Variants in TOP2B observed in about 807,000 individuals in gnomAD.
The protein encoded by TOP2B is DNA topoisomerase II beta.
TOP2B carries 51 observed loss-of-function variants against 193.5 expected under a neutral mutation model. The ratio of observed to expected loss-of-function variants is 0.26; its 90% CI spans 0.21 to 0.33. TOP2B has a LOEUF of 0.33. Ranked by LOEUF, TOP2B falls within the 10% of genes least tolerant of loss-of-function variation. The probability of loss-of-function intolerance (pLI) is 1.00; values close to 1 mark genes in which losing one functional copy is unlikely to be tolerated. For missense variants in TOP2B, 1,378 were observed against 1,909.3 expected (o/e 0.72, Z 5.19); for synonymous variants, 634 against 635.7 (o/e 1.00, Z 0.04).
At position 25,601,082 on chromosome 3, in the gene TOP2B, TAAG is replaced by T. The variant is rs1463702703; in HGVS notation, c.4615+15_4615+17del. On this transcript the variant is annotated intron_variant, in intron 34 of 35. Coordinates refer to ENST00000264331, the MANE Select transcript of TOP2B (RefSeq NM_001330700.2). Reference sequence around the variant, plus strand: ...CACACAGCATATGTTTAAAGGGTTATAAGAAGATAATCCTCACCTTTTGGTGTT... The same window carrying T: ...CACACAGCATATGTTTAAAGGGTTATAAGATAATCCTCACCTTTTGGTGTT... 2 of 1,611,680 alleles carry T rather than the reference TAAG, an allele frequency of 1.2e-6. No individual in the cohort carries two copies. The highest frequency in any genetic ancestry group is 3.3e-5 in the Admixed American group (2 of 59,706).
At chr3:25,632,146 G>A (rs1021547947) in intron 10 of TOP2B, among the ~76,000 whole-genome samples, 1 of 152,036 alleles carries the variant, frequency 6.6e-6, no homozygotes, top group African/African-American at 2.4e-5. Context: ...AGATGAAAGA[G>A]TTGCATAAGG....
chr3:25,618,520 G>C lies in TOP2B; in HGVS notation c.3260-11C>G. 6.3e-7 allele frequency: 1 copy of C among 1,597,120 alleles called. No homozygotes were observed. The highest frequency in any genetic ancestry group is 8.6e-7 in the Non-Finnish European group (1 of 1,168,052). On this transcript the variant is annotated splice_polypyrimidine_tract_variant and intron_variant, in intron 24 of 35. Coordinates refer to ENST00000264331, the MANE Select transcript of TOP2B (RefSeq NM_001330700.2). ...TCTTTGACCTATTCTCTATGTGAGGGAAAAATAAAGTTAGGATCAAGATAA... is the reference window on the plus strand; with the variant it reads ...TCTTTGACCTATTCTCTATGTGAGGCAAAAATAAAGTTAGGATCAAGATAA...
chr3:25,655,115 C>T lies in TOP2B; in HGVS notation c.69+9114G>A, dbSNP rs73153355. Among the ~76,000 whole-genome samples, 1,364 of 152,198 alleles carry T rather than the reference C, an allele frequency of 9.0e-3. 22 individuals are homozygous for T. Among genetic ancestry groups the T allele is most frequent in the African/African-American group, 0.031 (1,304 of 41,512 alleles). ...GAAAACAACTGACAGAGTGAAAAGG[C>T]AGCGTATGGAATGGAGAAAATATCT... On this transcript the variant is annotated intron_variant, in intron 1 of 35. Transcript: ENST00000264331.
At chr3:25,629,693 T>C (rs1702903786) in intron 13 of TOP2B, among the ~76,000 whole-genome samples, 1 of 152,174 alleles carries the variant, frequency 6.6e-6, no homozygotes, top group Non-Finnish European at 1.5e-5. Context: ...TAAGTCCTGG[T>C]ATTTGTGCAT....
At chr3:25,622,970 G>T (rs1224647540) in intron 21 of TOP2B, among the ~76,000 whole-genome samples, 1 of 152,100 alleles carries the variant, frequency 6.6e-6, no homozygotes, top group African/African-American at 2.4e-5. Flanking sequence ...TAGAGATGGA[G>T]TTTCCCCATG....
Position 25,598,457 on chromosome 3 carries a change from A to AAAAG in TOP2B, c.4727_4730dup (p.Asp1578PhefsTer2). Reference sequence around the variant, plus strand: ...AGATGTCCACATCTGAATCCTGATCAAAAGATGTCTTCTTCGGTTTCTAGA... The same window carrying AAAAG: ...AGATGTCCACATCTGAATCCTGATCAAAAGAAAGATGTCTTCTTCGGTTTCTAGA... On this transcript the variant is annotated frameshift_variant, in exon 36 of 36. Transcript: ENST00000264331. LOFTEE classifies it high-confidence loss of function. 6.3e-7 allele frequency: 1 copy of AAAAG among 1,591,542 alleles called. No individual in the cohort carries two copies. The highest frequency in any genetic ancestry group is 8.5e-7 in the Non-Finnish European group (1 of 1,172,968).
intron 25 of TOP2B, chr3:25,615,903 G>A (rs191309846): frequency 1.3e-4 from 24 of 184,226 alleles, no homozygotes; most frequent in Admixed American, 5.5e-4. Context: ...TTAAAGTTAA[G>A]AGAGTAGAAT....
intron 1 of TOP2B, among the ~76,000 whole-genome samples, chr3:25,654,638 CAGA>C (rs1424337000): frequency 6.6e-6 from 1 of 152,072 alleles, no homozygotes; most frequent in Admixed American, 6.6e-5. Context: ...AGTCTTTAAT[CAGA>C]AGAATAAAGC....
chr3:25,605,867 G>A (rs1662461419), intron 32 of TOP2B, among the ~76,000 whole-genome samples, 176 bp downstream of exon 32: 1 of 151,928 alleles, frequency 6.6e-6, no homozygotes, highest in African/African-American at 2.4e-5. Context: ...AATTAGTTAG[G>A]AATCACCTCA....
Position 25,598,246 on chromosome 3 carries a change from CAG to C in TOP2B, c.*59_*60del. 6.6e-7 allele frequency: 1 copy of C among 1,507,532 alleles called. No homozygotes were observed. The highest frequency in any genetic ancestry group is 9.0e-7 in the Non-Finnish European group (1 of 1,116,424). The allele number at this position is 1,507,532 out of a possible 1,614,324, so 93.4% of individuals were successfully genotyped here. A position where few individuals can be genotyped will look rare whatever the true frequency, so the allele number is the denominator to read the frequency against. On this transcript the variant is annotated 3_prime_UTR_variant, in exon 36 of 36. Transcript: ENST00000264331. ...AAGCCAGATGTACAAAAGTCTGAGA[CAG>C]AGAAGACAAAAGGACAACACAAGAT...
In TOP2B at chr3:25,614,978, T is replaced by G. The variant is rs750702800; in HGVS notation, c.3591+227A>C. On this transcript the variant is annotated intron_variant, in intron 27 of 35. Transcript: ENST00000264331. ...AACTCAGTTAAAAATTTTTAACTAATTGAAAGCAGATTTAATTTATTCTAA... is the reference window on the plus strand; with the variant it reads ...AACTCAGTTAAAAATTTTTAACTAAGTGAAAGCAGATTTAATTTATTCTAA... 2.0e-5 allele frequency among the ~76,000 whole-genome samples: 3 copies of G among 152,172 alleles called. No homozygotes were observed. The South Asian group carries it at 6.2e-4, about 32-fold the overall frequency.
At chr3:25,654,329 A>G (rs77387125) in intron 1 of TOP2B, among the ~76,000 whole-genome samples, 2,728 of 152,298 alleles carry the variant, frequency 0.018, 37 homozygotes, top group Middle Eastern at 0.044. Flanking sequence ...AAACAATCCC[A>G]TTTACTATAG....
At chr3:25,621,061 T>G (rs1004937917) in intron 21 of TOP2B, among the ~76,000 whole-genome samples, 3 of 152,202 alleles carry the variant, frequency 2.0e-5, no homozygotes, top group African/African-American at 4.8e-5. Flanking sequence ...TTCAGCCTAC[T>G]TCCCCTACAC....
Position 25,623,757 on chromosome 3 carries a change from C to CA in TOP2B, c.2496-12dup. On this transcript the variant is annotated splice_polypyrimidine_tract_variant and intron_variant, in intron 20 of 35. Transcript: ENST00000264331. ...AGCCTTGCTAAAGTGCTAATGAAAA[C>CA]AAAAAGAAGCAAATGAAAAAATGTC... The CA allele has an allele frequency of 6.5e-7, 1 of 1,544,056 alleles. No homozygotes were observed. Among genetic ancestry groups the CA allele is most frequent in the Non-Finnish European group, 8.9e-7 (1 of 1,128,922 alleles).
At chr3:25,626,200 TA>T (rs1702797148) in intron 18 of TOP2B, among the ~76,000 whole-genome samples, 1 of 152,130 alleles carries the variant, frequency 6.6e-6, no homozygotes, top group African/African-American at 2.4e-5. Flanking sequence ...TAATACAGAA[TA>T]AAAGCTTTTT....
chr3:25,612,905 T>C (rs1476481039), intron 27 of TOP2B, among the ~76,000 whole-genome samples, 196 bp from the exon 28 acceptor site: 1 of 152,218 alleles, frequency 6.6e-6, no homozygotes, highest in African/African-American at 2.4e-5. Context: ...GTAATCCCAA[T>C]TCATCTAACT....
In TOP2B at chr3:25,598,349, A is replaced by C. The variant is rs761985580; in HGVS notation, c.4839T>G (p.Ser1613=). The change falls in exon 36 of 36, where the codon TCT becomes TCG. Residue 1613 remains serine, a synonymous_variant. Coordinates refer to ENST00000264331, the MANE Select transcript of TOP2B (RefSeq NM_001330700.2). ...ARKEVKYFAE[S]DEEEDDVDFA... ...AATCAACATCATCTTCTTCTTCATCAGACTCTGCAAAATATTTTACTTCTT... is the reference window on the plus strand; with the variant it reads ...AATCAACATCATCTTCTTCTTCATCCGACTCTGCAAAATATTTTACTTCTT... 2.5e-6 allele frequency: 4 copies of C among 1,612,712 alleles called. No homozygotes were observed. In the East Asian group the frequency reaches 8.9e-5, roughly 36 times the overall value.
At chr3:25,630,999 T>C (rs1702938567) in intron 10 of TOP2B, 60 bp from the exon 11 acceptor site, 4 of 1,443,008 alleles carry the variant, frequency 2.8e-6, no homozygotes, top group Middle Eastern at 1.9e-4. Flanking sequence ...TTAGCTAAAA[T>C]GTATAGGGCC....
At chr3:25,639,364 A>T (rs1703194801) in intron 4 of TOP2B, among the ~76,000 whole-genome samples, 1 of 146,620 alleles carries the variant, frequency 6.8e-6, no homozygotes, top group Non-Finnish European at 1.5e-5. Context: ...GCTGGAGTGC[A>T]ATGACACGAT....
Sources: gnomAD v4.1 joint callset for allele counts (sites outside exome capture counted in the v4.1 genomes callset) on GRCh38, gnomAD v4.1.1 for gene constraint, MANE v1.5 for transcripts, NCBI Gene and HGNC (gene_info 2026-07-23, HGNC 2026-07-21) for gene names.